TMEM254: variants seen among roughly 807,000 people sequenced by gnomAD.
TMEM254 encodes transmembrane protein 254, also known as transmembrane protein C10orf57.
TMEM254 carries 16 observed loss-of-function variants against 13.9 expected under a neutral mutation model. The ratio of observed to expected loss-of-function variants is 1.15; its 90% confidence interval spans 0.78 to 1.75. The LOEUF is 1.75. Among genes scored for constraint, TMEM254 ranks in the 40% most tolerant of loss-of-function variants. The pLI is 0.00. For missense variants in TMEM254, 155 were observed against 149.0 expected, an observed-to-expected ratio of 1.04 and a Z score of -0.21; for synonymous variants, 61 against 56.4, an observed-to-expected ratio of 1.08 and a Z score of -0.36.
At chr10:80,087,244 A>G (rs1029036718) in intron 3 of TMEM254, among the ~76,000 whole-genome samples, 2 of 152,184 alleles carry the variant, frequency 1.3e-5, no homozygotes, top group Non-Finnish European at 2.9e-5. Context: ...CTTTTTTACT[A>G]TTACAAGCAA....
intron 3 of TMEM254, chr10:80,090,367 T>TC (rs757399496): frequency 1.7e-5 from 12 of 717,556 alleles, no homozygotes; most frequent in South Asian, 1.5e-4. Context: ...CTACTGCTGT[T>TC]CCTGTTTTTC....
At chr10:80,083,053 T>G (rs184426998) in intron 3 of TMEM254, among the ~76,000 whole-genome samples, 30 of 151,470 alleles carry the variant, frequency 2.0e-4, no homozygotes, top group African/African-American at 6.8e-4. Flanking sequence ...CTAAGTATGT[T>G]AAATAGAATG....
intron 1 of TMEM254, among the ~76,000 whole-genome samples, chr10:80,080,847 A>G (rs1221569146): frequency 6.6e-6 from 1 of 152,194 alleles, no homozygotes; most frequent in Non-Finnish European, 1.5e-5. Flanking sequence ...TGAGAAGCCG[A>G]GAAGGGCGGA....
chr10:80,089,458 G>A (rs569151264), intron 3 of TMEM254, among the ~76,000 whole-genome samples: 28 of 151,848 alleles, frequency 1.8e-4, no homozygotes, highest in African/African-American at 6.5e-4. Context: ...ATCAGTTGAA[G>A]CCAGGAGTTC....
intron 3 of TMEM254, 28 bp downstream of exon 3, chr10:80,082,232 CCTTT>C (rs778396153): frequency 6.2e-7 from 1 of 1,612,686 alleles, no homozygotes; most frequent in Non-Finnish European, 8.5e-7. Context: ...GTGTTTGTTG[CCTTT>C]CTCTTAGTAG....
Position 80,085,612 on chromosome 10 carries a change from T to C in TMEM254, c.251+3408T>C, listed in dbSNP as rs372212212. On this transcript the variant is annotated intron_variant, in intron 3 of 3. Transcript: ENST00000372281. ...AAAGAAAGTGCCATTTTTGGTGAGG[T>C]GAGGGGGCAAAAAACCTTTTGCTAT... Among the ~76,000 whole-genome samples the C allele has an allele frequency of 1.3e-4, 19 of 150,948 alleles. No individual in the cohort carries two copies. In the East Asian group the frequency reaches 3.3e-3, roughly 26 times the overall value.
At chr10:80,080,805 G>A (rs1221386007) in intron 1 of TMEM254, among the ~76,000 whole-genome samples, 1 of 151,760 alleles carries the variant, frequency 6.6e-6, no homozygotes, top group Non-Finnish European at 1.5e-5. Context: ...ATTAGCCATG[G>A]GCAGTGGCTC....
chr10:80,089,685 G>A (rs562560773), intron 3 of TMEM254, among the ~76,000 whole-genome samples: 1 of 151,364 alleles, frequency 6.6e-6, no homozygotes, highest in East Asian at 1.9e-4. Context: ...CTCTGGGGGG[G>A]TTGGAAAAAG....
chr10:80,080,011 A>C (rs1843897918), intron 1 of TMEM254, among the ~76,000 whole-genome samples: 1 of 152,252 alleles, frequency 6.6e-6, no homozygotes, highest in African/African-American at 2.4e-5. Flanking sequence ...TCTTGTCCAC[A>C]GTGTTGTTTG....
At chr10:80,082,242 A>G (rs1844075861) in intron 3 of TMEM254, 38 bp downstream of exon 3, 1 of 1,608,186 alleles carries the variant, frequency 6.2e-7, no homozygotes, top group African/African-American at 1.3e-5. Flanking sequence ...CCTTTCTCTT[A>G]GTAGCTAATA....
intron 3 of TMEM254, chr10:80,090,503 T>C (rs1278556417): frequency 4.2e-6 from 3 of 711,994 alleles, no homozygotes; most frequent in Non-Finnish European, 7.9e-6. Flanking sequence ...ACCAGTGCTT[T>C]TTACTCCATC....
chr10:80,090,704 T>A (rs1443737547), intron 3 of TMEM254, 93 bp from the exon 4 acceptor site: 2 of 1,190,618 alleles, frequency 1.7e-6, no homozygotes, highest in Non-Finnish European at 1.2e-6. Flanking sequence ...TAGTGGAAGG[T>A]ATAATTTAAA....
intron 3 of TMEM254, 124 bp downstream of exon 3, chr10:80,082,328 C>A: frequency 9.0e-7 from 1 of 1,110,214 alleles, no homozygotes; most frequent in East Asian, 2.4e-5. Flanking sequence ...AGCGGAATCC[C>A]CATGCCTGAT....
rs370146281 is a variant in TMEM254, at chr10:80,084,098, G to A, written c.251+1894G>A. 4.8e-3 allele frequency among the ~76,000 whole-genome samples: 731 copies of A among 151,690 alleles called. 8 individuals carry two copies. The highest frequency in any genetic ancestry group is 0.017 in the African/African-American group (691 of 41,392). On this transcript the variant is annotated intron_variant, in intron 3 of 3. Coordinates refer to ENST00000372281, the MANE Select transcript of TMEM254 (RefSeq NM_025125.4). ...AGACCCTTTCTCAAAAAAAATAAAA[G>A]TTAAAAAAAAACAATAAACAGCTGC...
intron 1 of TMEM254, chr10:80,079,617 T>C (rs1324998359): frequency 1.0e-6 from 1 of 986,918 alleles, no homozygotes. Flanking sequence ...AAGAAAGCTG[T>C]ACCTAGAAAA....
intron 3 of TMEM254, among the ~76,000 whole-genome samples, chr10:80,087,177 T>C (rs1355668501): frequency 6.6e-6 from 1 of 152,166 alleles, no homozygotes; most frequent in Non-Finnish European, 1.5e-5. Context: ...TTCTGTTACA[T>C]AGATGTGCCT....
At chr10:80,084,637 G>A (rs1005948435) in intron 3 of TMEM254, among the ~76,000 whole-genome samples, 9 of 152,070 alleles carry the variant, frequency 5.9e-5, no homozygotes, top group Admixed American at 2.6e-4. Context: ...GGCTTGACTT[G>A]TGGGAAATGC....
chr10:80,090,346 CAGTG>C, intron 3 of TMEM254: 1 of 717,216 alleles, frequency 1.4e-6, no homozygotes, highest in Non-Finnish European at 2.6e-6. Flanking sequence ...TCAACTGACT[CAGTG>C]AGATAGCTAC....
chr10:80,090,678 AT>A (rs1724608867), intron 3 of TMEM254, 118 bp from the exon 4 acceptor site: 1 of 936,738 alleles, frequency 1.1e-6, no homozygotes, highest in Admixed American at 2.8e-5. Flanking sequence ...AAGCAGCAAA[AT>A]AAACCCAATG....
Sources: gnomAD v4.1 joint callset for allele counts (sites outside exome capture counted in the v4.1 genomes callset) on GRCh38, gnomAD v4.1.1 for gene constraint, MANE v1.5 for transcripts, NCBI Gene and HGNC (gene_info 2026-07-23, HGNC 2026-07-21) for gene names.